THSD4: variants seen among roughly 807,000 people sequenced by gnomAD.
THSD4 encodes thrombospondin type-1 domain-containing protein 4.
Under a neutral mutation model 119.0 loss-of-function variants are expected in THSD4, and 69 were observed. The observed-to-expected ratio is 0.58, with a 90% CI of 0.48 to 0.71. The LOEUF is 0.71. Ranked by LOEUF, THSD4 falls within the 30% of genes least tolerant of loss-of-function variation. The probability of loss-of-function intolerance (pLI) is 0.00; values close to 1 mark genes in which losing one functional copy is unlikely to be tolerated. For missense variants in THSD4, 1,393 were observed against 1,391.1 expected (o/e 1.00, Z -0.02); for synonymous variants, 524 against 540.4 (o/e 0.97, Z 0.42).
intron 1 of THSD4, among the ~76,000 whole-genome samples, chr15:71,103,732 AC>A (rs1360181861): frequency 6.6e-6 from 1 of 150,956 alleles, no homozygotes; most frequent in African/African-American, 2.4e-5. Flanking sequence ...TGCCACCACC[AC>A]TGCTGCTACA....
chr15:71,409,161 C>CG (rs954005024), intron 6 of THSD4, among the ~76,000 whole-genome samples: 2 of 150,776 alleles, frequency 1.3e-5, no homozygotes, highest in Admixed American at 1.3e-4. Flanking sequence ...TTTTTCCCCC[C>CG]CCCTCAGAAT....
Position 71,447,115 on chromosome 15 carries a change from TTTG to T in THSD4, c.1152+35295_1152+35297del, listed in dbSNP as rs1405397821. On this transcript the variant is annotated intron_variant, in intron 7 of 17. Transcript: ENST00000261862. ...CTGTTGCCCTCTTCCCTCCATTTTT[TTTG>T]TTTTTTTTTTTTTTTTTTTTGGAGA... 2.3e-3 allele frequency among the ~76,000 whole-genome samples: 130 copies of T among 56,468 alleles called. 25 individuals carry two copies. Among genetic ancestry groups the T allele is most frequent in the South Asian group, 6.4e-3 (10 of 1,554 alleles). 37.0% of individuals were successfully genotyped at this position (56,468 alleles called of 152,430 possible). A position where few individuals can be genotyped will look rare whatever the true frequency, so the allele number is the denominator to read the frequency against.
At chr15:71,434,462 T>A (rs28420614) in intron 7 of THSD4, among the ~76,000 whole-genome samples, 28,556 of 124,544 alleles carry the variant, frequency 0.23, 3,955 homozygotes, top group African/African-American at 0.32. Context: ...TTTTTTTTTT[T>A]AATTTCTGAA....
At chr15:71,771,262 G>A (rs2053818542) in intron 17 of THSD4, 54 bp downstream of exon 17, 2 of 1,600,470 alleles carry the variant, frequency 1.2e-6, no homozygotes, top group African/African-American at 1.3e-5. Context: ...AAGCTTGTCA[G>A]ATTCTCCGGT....
At position 71,758,052 on chromosome 15, in the gene THSD4, T is replaced by C; in HGVS notation, c.2566T>C (p.Trp856Arg). 1 of 1,594,382 alleles carries C rather than the reference T, an allele frequency of 6.3e-7. No individual in the cohort carries two copies. Among genetic ancestry groups the C allele is most frequent in the East Asian group, 2.3e-5 (1 of 43,820 alleles). The change falls in exon 15 of 18, where the codon TGG (tryptophan) becomes CGG (arginine). Residue 856 changes from tryptophan (W) to arginine (R), a missense_variant. Trp to Arg is a moderately radical substitution (Grantham distance 101). Transcript: ENST00000261862. ...DNGPCTGKVE[W>R]FAGSWSQCSI... is the part of the protein sequence containing the mutation. ...CGGACCCTGCACGGGCAAGGTGGAG[T>C]GGTTTGCCGGGAGCTGGAGTCAGGT... is the stretch of plus-strand genomic sequence containing the variant.
At chr15:71,738,573 G>A (rs138513892) in intron 11 of THSD4, among the ~76,000 whole-genome samples, 215 of 152,320 alleles carry the variant, frequency 1.4e-3, no homozygotes, top group African/African-American at 5.0e-3. Context: ...AGGAAAAGGT[G>A]TGTTGGCAAA....
At chr15:71,226,605 ATGT>A (rs1327691755) in intron 4 of THSD4, among the ~76,000 whole-genome samples, 1 of 152,136 alleles carries the variant, frequency 6.6e-6, no homozygotes, top group African/African-American at 2.4e-5. Flanking sequence ...TTGGAGCAAT[ATGT>A]TGTTTCTTTC....
intron 6 of THSD4, among the ~76,000 whole-genome samples, chr15:71,305,255 C>G (rs745361570): frequency 1.3e-5 from 2 of 152,160 alleles, no homozygotes; most frequent in Non-Finnish European, 2.9e-5. Flanking sequence ...CAAGACAGTA[C>G]CAGTCCCCAG....
At chr15:71,480,023 C>A (rs2047706371) in intron 7 of THSD4, among the ~76,000 whole-genome samples, 1 of 151,696 alleles carries the variant, frequency 6.6e-6, no homozygotes, top group African/African-American at 2.4e-5. Context: ...TTGTTTGTAA[C>A]TTCCTTCCTT....
intron 7 of THSD4, among the ~76,000 whole-genome samples, chr15:71,573,846 G>A (rs562798992): frequency 7.9e-5 from 12 of 152,250 alleles, no homozygotes; most frequent in African/African-American, 2.2e-4. Flanking sequence ...TAATTGTGTC[G>A]CTTTGATTAC....
chr15:71,700,666 T>G (rs1209118425), intron 8 of THSD4, among the ~76,000 whole-genome samples: 2 of 152,204 alleles, frequency 1.3e-5, no homozygotes, highest in Admixed American at 1.3e-4. Flanking sequence ...TATGAAAATT[T>G]TATAAGCCCA....
At chr15:71,144,710 C>A (rs1272440334) in intron 2 of THSD4, among the ~76,000 whole-genome samples, 1 of 152,088 alleles carries the variant, frequency 6.6e-6, no homozygotes, top group South Asian at 2.1e-4. Context: ...GCATTAACAT[C>A]GCAAGAGTAT....
chr15:71,626,331 T>C (rs1345141159), intron 7 of THSD4, among the ~76,000 whole-genome samples: 1 of 152,214 alleles, frequency 6.6e-6, no homozygotes, highest in Non-Finnish European at 1.5e-5. Flanking sequence ...TTCCTGTGTG[T>C]TATTGCACTT....
chr15:71,656,136 G>A (rs1022556205), intron 7 of THSD4, among the ~76,000 whole-genome samples: 1 of 152,062 alleles, frequency 6.6e-6, no homozygotes, highest in Non-Finnish European at 1.5e-5. Flanking sequence ...GTCATAGCAC[G>A]TAATCTATAC....
intron 7 of THSD4, among the ~76,000 whole-genome samples, chr15:71,581,952 T>G (rs1038310946): frequency 1.1e-4 from 16 of 152,186 alleles, no homozygotes; most frequent in Non-Finnish European, 2.2e-4. Context: ...TGTGATACTT[T>G]CAGCTTTGTT....
At chr15:71,464,587 G>C (rs2047474403) in intron 7 of THSD4, among the ~76,000 whole-genome samples, 1 of 152,090 alleles carries the variant, frequency 6.6e-6, no homozygotes, top group South Asian at 2.1e-4. Flanking sequence ...AGTTTTTCAT[G>C]GGAAAGATAG....
At chr15:71,306,932 A>G (rs1367984005) in intron 6 of THSD4, among the ~76,000 whole-genome samples, 1 of 152,138 alleles carries the variant, frequency 6.6e-6, no homozygotes, top group Non-Finnish European at 1.5e-5. Context: ...AATTTCTCAA[A>G]TTTTTTAATT....
intron 4 of THSD4, among the ~76,000 whole-genome samples, chr15:71,219,511 G>T (rs1476588664): frequency 2.0e-5 from 3 of 152,162 alleles, no homozygotes; most frequent in Non-Finnish European, 2.9e-5. Flanking sequence ...TGATTTGTAG[G>T]TCAGTTATAT....
At chr15:71,190,085 G>A (rs752415133) in intron 3 of THSD4, among the ~76,000 whole-genome samples, 16 of 152,152 alleles carry the variant, frequency 1.1e-4, no homozygotes, top group Non-Finnish European at 1.8e-4. Flanking sequence ...CCCCTTCCTC[G>A]AAACCTGGGG....
Sources: gnomAD v4.1 joint callset for allele counts (sites outside exome capture counted in the v4.1 genomes callset) on GRCh38, gnomAD v4.1.1 for gene constraint, MANE v1.5 for transcripts, NCBI Gene and HGNC (gene_info 2026-07-23, HGNC 2026-07-21) for gene names.